The following CCDC134 variants were observed in gnomAD, a reference collection of about 807,000 sequenced individuals.
CCDC134 encodes the protein coiled-coil domain containing 134, also known as coiled-coil domain-containing protein 134.
A neutral mutation model predicts 25.6 loss-of-function variants in CCDC134; 27 were observed. The observed-to-expected ratio is 1.05, with a 90% confidence interval of 0.78 to 1.45. CCDC134 has a LOEUF of 1.45. Ranked by LOEUF, CCDC134 falls within the 40% of genes most tolerant of loss-of-function variation. The pLI is 0.00. For synonymous variants in CCDC134, 110 were observed against 115.0 expected, an observed-to-expected ratio of 0.96 and a Z score of 0.28; for missense variants, 261 against 286.7, an observed-to-expected ratio of 0.91 and a Z score of 0.65.
At chr22:41,804,586 G>A (rs769284755) in intron 1 of CCDC134, among the ~76,000 whole-genome samples, 2 of 152,152 alleles carry the variant, frequency 1.3e-5, no homozygotes, top group African/African-American at 4.8e-5. Context: ...AGGCTAGGAA[G>A]CAAAACCAAG....
At chr22:41,810,759 G>A (rs1376878234) in intron 4 of CCDC134, among the ~76,000 whole-genome samples, 3 of 152,042 alleles carry the variant, frequency 2.0e-5, no homozygotes, top group Non-Finnish European at 4.4e-5. Flanking sequence ...CTCCCAAAGC[G>A]CTGGGATTAC....
chr22:41,831,156 G>C lies in CCDC134; in HGVS notation c.*5333G>C, dbSNP rs1015977042. The stretch of plus-strand genomic sequence containing the variant: ...CCACCTCAGCCTCCCAAAGTGCTGG[G>C]ATTACAGGCGTGAGCCACCTTGCCC... On this transcript the variant is annotated 3_prime_UTR_variant, in exon 7 of 7. Coordinates refer to ENST00000255784, the MANE Select transcript of CCDC134 (RefSeq NM_024821.5). The C allele has an allele frequency of 1.3e-5, 2 of 151,322 alleles. No homozygotes were observed. Among genetic ancestry groups the C allele is most frequent in the Admixed American group, 6.6e-5 (1 of 15,172 alleles). The allele number at this position is 151,322 out of a possible 1,614,324, so 9.4% of individuals were successfully genotyped here.
chr22:41,807,404 A>T lies in CCDC134; in HGVS notation c.-16-1471A>T, dbSNP rs147509173. Reference sequence around the variant, plus strand: ...GTAGCAAAACCCACGTCTAAGAAAAATACAAAAAATAGCCGTGCATGGCGG... The same window carrying T: ...GTAGCAAAACCCACGTCTAAGAAAATTACAAAAAATAGCCGTGCATGGCGG... On this transcript the variant is annotated intron_variant, in intron 1 of 6. Coordinates refer to ENST00000255784, the MANE Select transcript of CCDC134 (RefSeq NM_024821.5). Among the ~76,000 whole-genome samples the T allele has an allele frequency of 1.4e-3, 218 of 151,958 alleles. 1 individual carries two copies. The highest frequency in any genetic ancestry group is 5.1e-3 in the African/African-American group (213 of 41,434).
rs1194591937 is a variant in CCDC134, at chr22:41,831,307, C to T, written c.*5484C>T. 1 of 150,754 alleles carries T rather than the reference C, an allele frequency of 6.6e-6. No individual in the cohort carries two copies. Among genetic ancestry groups the T allele is most frequent in the Non-Finnish European group, 1.5e-5 (1 of 67,768 alleles). 9.3% of individuals were successfully genotyped at this position (150,754 alleles called of 1,614,324 possible). A position where few individuals can be genotyped will look rare whatever the true frequency, so the allele number is the denominator to read the frequency against. ...TATCTCCCAGGTTCCGGCAGTTCTCCTACCGGTTAGCTGGGATTACAGGCA... is the reference window on the plus strand; with the variant it reads ...TATCTCCCAGGTTCCGGCAGTTCTCTTACCGGTTAGCTGGGATTACAGGCA... On this transcript the variant is annotated 3_prime_UTR_variant, in exon 7 of 7. Coordinates refer to ENST00000255784, the MANE Select transcript of CCDC134 (RefSeq NM_024821.5).
intron 6 of CCDC134, among the ~76,000 whole-genome samples, chr22:41,818,351 A>T (rs1258266184): frequency 1.3e-5 from 2 of 152,200 alleles, no homozygotes; most frequent in African/African-American, 4.8e-5. Flanking sequence ...AACTCCCCGG[A>T]GCAAAGTATG....
chr22:41,831,640 C>G lies in CCDC134; in HGVS notation c.*5817C>G, dbSNP rs993271464. The G allele has an allele frequency of 1.3e-5, 2 of 152,230 alleles. No individual in the cohort carries two copies. Among genetic ancestry groups the G allele is most frequent in the African/African-American group, 4.8e-5 (2 of 41,442 alleles). 9.4% of individuals were successfully genotyped at this position (152,230 alleles called of 1,614,324 possible). On this transcript the variant is annotated 3_prime_UTR_variant, in exon 7 of 7. Coordinates refer to ENST00000255784, the MANE Select transcript of CCDC134 (RefSeq NM_024821.5). ...CTTTGGCTGTAACAGCTGCAGTTCT[C>G]TCATAATTTTAGGTTTCATCTTAAA...
chr22:41,821,109 C>T (rs1488016891), intron 6 of CCDC134, among the ~76,000 whole-genome samples: 1 of 152,026 alleles, frequency 6.6e-6, no homozygotes, highest in Non-Finnish European at 1.5e-5. Flanking sequence ...AGGGAGGGAG[C>T]GATCGGTGTG....
Position 41,825,679 on chromosome 22 carries a change from G to A in CCDC134, c.565-19G>A, listed in dbSNP as rs755102630. The A allele has an allele frequency of 5.0e-6, 8 of 1,613,642 alleles. No homozygotes were observed. The South Asian group carries it at 6.6e-5, about 13-fold the overall frequency. On this transcript the variant is annotated intron_variant, in intron 6 of 6. Coordinates refer to ENST00000255784, the MANE Select transcript of CCDC134 (RefSeq NM_024821.5). This position sits in a 1 kb window ranked among gnomAD's most constrained non-coding sequence, Gnocchi z 4.4. ...TTGCTGCCACAGACTAAATCAGACT[G>A]CTCTTCTCTTCCCTTCAGTTCATTC...
intron 6 of CCDC134, among the ~76,000 whole-genome samples, chr22:41,815,204 C>CTTTT (rs869174312): frequency 1.5e-4 from 18 of 122,140 alleles, no homozygotes; most frequent in African/African-American, 2.4e-4. Flanking sequence ...CTTTTCTTTT[C>CTTTT]TTTTTTTTTT....
chr22:41,810,242 T>C lies in CCDC134; in HGVS notation c.261T>C (p.Ala87=). 6.2e-7 allele frequency: 1 copy of C among 1,614,116 alleles called. No homozygotes were observed. Among genetic ancestry groups the C allele is most frequent in the Admixed American group, 1.7e-5 (1 of 60,014 alleles). ...ACTCCCGGACAGTGCTCACCGCTGC[T>C]GATGTGCTCCCAGATGGGCCCTTCC... The part of the protein sequence containing the change: ...LEDSRTVLTA[A]DVLPDGPFPQ... Residue 87 remains alanine, a synonymous_variant, in exon 4 of 7, where the codon GCT becomes GCC. Coordinates refer to ENST00000255784, the MANE Select transcript of CCDC134 (RefSeq NM_024821.5).
At chr22:41,803,264 A>G (rs1296717037) in intron 1 of CCDC134, among the ~76,000 whole-genome samples, 1 of 152,184 alleles carries the variant, frequency 6.6e-6, no homozygotes, top group African/African-American at 2.4e-5. Context: ...CCCTGCCTCA[A>G]AAAACCCCAA....
intron 6 of CCDC134, among the ~76,000 whole-genome samples, chr22:41,820,062 C>T (rs1033274008): frequency 1.4e-5 from 2 of 146,416 alleles, no homozygotes; most frequent in Non-Finnish European, 3.0e-5. Context: ...GTGGCGCGAT[C>T]TTGGCTCACT....
At chr22:41,819,053 T>C (rs949989635) in intron 6 of CCDC134, among the ~76,000 whole-genome samples, 1 of 152,198 alleles carries the variant, frequency 6.6e-6, no homozygotes, top group Non-Finnish European at 1.5e-5. Context: ...ATACTTTCCT[T>C]ACATGCTGGA....
chr22:41,831,718 T>G lies in CCDC134; in HGVS notation c.*5895T>G, dbSNP rs1437277596. The G allele has an allele frequency of 6.6e-6, 1 of 152,258 alleles. No individual in the cohort carries two copies. The highest frequency in any genetic ancestry group is 6.5e-5 in the Admixed American group (1 of 15,292). The allele number at this position is 152,258 out of a possible 1,614,324, so 9.4% of individuals were successfully genotyped here. ...GCACAAGTCAGGGCCCTTGTTAGTTTCATCACATCCATTACCTTTCCTTGA... is the reference window on the plus strand; with the variant it reads ...GCACAAGTCAGGGCCCTTGTTAGTTGCATCACATCCATTACCTTTCCTTGA... On this transcript the variant is annotated 3_prime_UTR_variant, in exon 7 of 7. Coordinates refer to ENST00000255784, the MANE Select transcript of CCDC134 (RefSeq NM_024821.5).
At chr22:41,809,267 C>T (rs1367274002) in intron 2 of CCDC134, among the ~76,000 whole-genome samples, 1 of 152,214 alleles carries the variant, frequency 6.6e-6, no homozygotes, top group Non-Finnish European at 1.5e-5. Flanking sequence ...TGGGTGGAGA[C>T]TCAGGAATTC....
chr22:41,806,214 ATTT>A (rs60425249), intron 1 of CCDC134, among the ~76,000 whole-genome samples: 12 of 120,968 alleles, frequency 9.9e-5, no homozygotes, highest in African/African-American at 1.1e-4. Flanking sequence ...TAGGCGACTA[ATTT>A]TTTTTTTTTT....
At chr22:41,814,593 C>T (rs11703813) in intron 6 of CCDC134, among the ~76,000 whole-genome samples, 16,140 of 150,154 alleles carry the variant, frequency 0.11, 1,164 homozygotes, top group Non-Finnish European at 0.16. Flanking sequence ...GGGACAGATA[C>T]GATAGATGGA....
At position 41,830,686 on chromosome 22, in the gene CCDC134, CATT is replaced by C. The variant is rs1463209998; in HGVS notation, c.*4865_*4867del. Among the ~76,000 whole-genome samples, 1 of 152,148 alleles carries C rather than the reference CATT, an allele frequency of 6.6e-6. No individual in the cohort carries two copies. Among genetic ancestry groups the C allele is most frequent in the African/African-American group, 2.4e-5 (1 of 41,410 alleles). ...AAAAAATAAGACACTATCTATTTCTCATTAGTTATACACGTTCATTATAAAACG... is the reference window on the plus strand; with the variant it reads ...AAAAAATAAGACACTATCTATTTCTCAGTTATACACGTTCATTATAAAACG... On this transcript the variant is annotated 3_prime_UTR_variant, in exon 7 of 7. Coordinates refer to ENST00000255784, the MANE Select transcript of CCDC134 (RefSeq NM_024821.5).
At position 41,812,256 on chromosome 22, in the gene CCDC134, A is replaced by G. The variant is rs934337225; in HGVS notation, c.311-1008A>G. Among the ~76,000 whole-genome samples the G allele has an allele frequency of 3.9e-5, 6 of 152,074 alleles. No individual in the cohort carries two copies. In the South Asian group the frequency reaches 1.2e-3, roughly 32 times the overall value. On this transcript the variant is annotated intron_variant, in intron 4 of 6. Coordinates refer to ENST00000255784, the MANE Select transcript of CCDC134 (RefSeq NM_024821.5). Reference sequence around the variant, plus strand: ...CCAAACACGGTGAAACCCCATCTCTACCAAAAATATAAAAAAGTAGCCGGG... The same window carrying G: ...CCAAACACGGTGAAACCCCATCTCTGCCAAAAATATAAAAAAGTAGCCGGG...
Sources: allele counts gnomAD v4.1 joint callset (sites outside exome capture counted in the v4.1 genomes callset), GRCh38; gene constraint gnomAD v4.1.1; non-coding constraint Gnocchi (gnomAD v3.1); transcripts MANE v1.5; gene names NCBI Gene and HGNC (gene_info 2026-07-23, HGNC 2026-07-21).